ELP4: variants seen among roughly 807,000 people sequenced by gnomAD.
ELP4 encodes the protein elongator complex protein 4.
In ELP4, 51 loss-of-function variants were observed where a neutral mutation model predicts 48.9. The observed-to-expected ratio is 1.04, with a 90% CI of 0.83 to 1.32. The LOEUF is 1.32. ELP4 is among the 40% of genes most tolerant of loss of function. ELP4 has a pLI of 0.00. For missense variants in ELP4, 519 were observed against 514.6 expected (o/e 1.01, Z -0.08); for synonymous variants, 210 against 189.2 (o/e 1.11, Z -0.90).
intron 3 of ELP4, among the ~76,000 whole-genome samples, chr11:31,546,761 A>G: frequency 6.6e-6 from 1 of 152,148 alleles, no homozygotes; most frequent in South Asian, 2.1e-4. Flanking sequence ...CAAATGTAAA[A>G]GAACAGAAAT....
intron 9 of ELP4, among the ~76,000 whole-genome samples, chr11:31,759,691 CTTTTTCT>C (rs1192937945): frequency 1.9e-4 from 29 of 151,362 alleles, no homozygotes; most frequent in Middle Eastern, 6.8e-3. Flanking sequence ...GTTTTCTTTT[CTTTTTCT>C]TTTTTCTTTT....
At chr11:31,521,333 T>A (rs1396893086) in intron 2 of ELP4, among the ~76,000 whole-genome samples, 1 of 151,940 alleles carries the variant, frequency 6.6e-6, no homozygotes, top group African/African-American at 2.4e-5. Flanking sequence ...ATACTAAATA[T>A]ACTTCATGTT....
intron 9 of ELP4, chr11:31,762,138 G>A (rs1442285724): frequency 2.6e-5 from 4 of 152,140 alleles, no homozygotes; most frequent in East Asian, 1.9e-4. Flanking sequence ...TACAGCTCAC[G>A]AGATATTTAG....
At chr11:31,708,966 C>T (rs1292888319) in intron 9 of ELP4, among the ~76,000 whole-genome samples, 1 of 152,082 alleles carries the variant, frequency 6.6e-6, no homozygotes, top group Non-Finnish European at 1.5e-5. Flanking sequence ...AAAATTTAGA[C>T]TTTCATCAGC....
intron 3 of ELP4, chr11:31,541,424 T>C (rs145512281): frequency 2.4e-4 from 36 of 152,316 alleles, no homozygotes; most frequent in African/African-American, 8.4e-4. Context: ...GGCCAACTTC[T>C]GGACAGTGCT....
At chr11:31,540,851 A>G (rs988779953) in intron 3 of ELP4, among the ~76,000 whole-genome samples, 15 of 152,206 alleles carry the variant, frequency 9.9e-5, no homozygotes, top group Admixed American at 2.0e-4. Flanking sequence ...CTCATTGATT[A>G]ATATTAGTTT....
intron 3 of ELP4, among the ~76,000 whole-genome samples, chr11:31,543,582 G>A (rs186040872): frequency 8.8e-4 from 134 of 152,244 alleles, no homozygotes; most frequent in African/African-American, 3.0e-3. Flanking sequence ...GCCTCCCAAC[G>A]TGCTGGGCAA....
At chr11:31,522,681 G>A (rs1330267451) in intron 2 of ELP4, among the ~76,000 whole-genome samples, 2 of 152,080 alleles carry the variant, frequency 1.3e-5, no homozygotes, top group African/African-American at 4.8e-5. Flanking sequence ...CTTCATTGCA[G>A]CATGTTAAAT....
At chr11:31,556,922 C>T (rs906923319) in intron 3 of ELP4, among the ~76,000 whole-genome samples, 1 of 151,800 alleles carries the variant, frequency 6.6e-6, no homozygotes, top group Non-Finnish European at 1.5e-5. Context: ...AATATTTTAA[C>T]ATCAAATATA....
At chr11:31,699,327 G>A (rs1946473741) in intron 9 of ELP4, among the ~76,000 whole-genome samples, 1 of 152,076 alleles carries the variant, frequency 6.6e-6, no homozygotes, top group Non-Finnish European at 1.5e-5. Context: ...AAAAAACATG[G>A]CCCAGGATTT....
At chr11:31,772,850 C>T (rs889462209) in intron 9 of ELP4, among the ~76,000 whole-genome samples, 1 of 152,226 alleles carries the variant, frequency 6.6e-6, no homozygotes, top group Non-Finnish European at 1.5e-5. Flanking sequence ...ACTCCCTCTC[C>T]AGGCATGAGT....
chr11:31,623,390 T>TATATAA (rs67986763), intron 5 of ELP4, among the ~76,000 whole-genome samples: 8,694 of 92,462 alleles, frequency 0.094, 830 homozygotes, highest in Non-Finnish European at 0.11. Context: ...TATATATATA[T>TATATAA]AAAACTAGAA....
At chr11:31,570,554 G>C (rs1227870874) in intron 3 of ELP4, among the ~76,000 whole-genome samples, 4 of 144,974 alleles carry the variant, frequency 2.8e-5, no homozygotes, top group African/African-American at 1.0e-4. Flanking sequence ...TGCAACCTCT[G>C]CCTGCTGGGT....
At chr11:31,516,059 G>A (rs1303518431) in intron 1 of ELP4, among the ~76,000 whole-genome samples, 1 of 151,168 alleles carries the variant, frequency 6.6e-6, no homozygotes, top group Non-Finnish European at 1.5e-5. Flanking sequence ...CTTGCAGTGA[G>A]CTGAGATTGC....
At position 31,544,135 on chromosome 11, in the gene ELP4, C is replaced by T. The variant is rs148677399; in HGVS notation, c.381+4352C>T. On this transcript the variant is annotated intron_variant, in intron 3 of 9. Coordinates refer to ENST00000640961, the MANE Select transcript of ELP4 (RefSeq NM_019040.5). ...ACCAGGTTCATCTCACTAGGGAGTG[C>T]CAGACAGTGGGCGCAGGTCAGTGGG... 5.3e-3 allele frequency among the ~76,000 whole-genome samples: 802 copies of T among 152,336 alleles called. 8 individuals are homozygous for T. The highest frequency in any genetic ancestry group is 9.3e-3 in the Non-Finnish European group (635 of 68,030).
chr11:31,673,576 C>T (rs1945854896), intron 9 of ELP4, among the ~76,000 whole-genome samples: 1 of 151,974 alleles, frequency 6.6e-6, no homozygotes, highest in Non-Finnish European at 1.5e-5. Flanking sequence ...CAATCCTCCT[C>T]CCTCAGCCTC....
At chr11:31,709,878 TATTA>T (rs1200073040) in intron 9 of ELP4, among the ~76,000 whole-genome samples, 1 of 152,190 alleles carries the variant, frequency 6.6e-6, no homozygotes, top group Non-Finnish European at 1.5e-5. Context: ...TAGATTAAAT[TATTA>T]ATTATTACTA....
chr11:31,776,435 A>C (rs1948250040), intron 9 of ELP4, among the ~76,000 whole-genome samples: 1 of 152,234 alleles, frequency 6.6e-6, no homozygotes, highest in Non-Finnish European at 1.5e-5. Flanking sequence ...AAGGGAAGCT[A>C]GGAACTGTGA....
chr11:31,561,545 G>A (rs907129208), intron 3 of ELP4, among the ~76,000 whole-genome samples: 6 of 152,042 alleles, frequency 3.9e-5, no homozygotes, highest in African/African-American at 1.2e-4. Context: ...GGGTTCAAGC[G>A]ATTCTCCTGC....
Sources: allele counts gnomAD v4.1 joint callset (sites outside exome capture counted in the v4.1 genomes callset), GRCh38; gene constraint gnomAD v4.1.1; transcripts MANE v1.5; gene names NCBI Gene and HGNC (gene_info 2026-07-23, HGNC 2026-07-21).